Variants in SPPL2B observed in about 807,000 individuals in gnomAD.
The protein encoded by SPPL2B is signal peptide peptidase like 2B, also known as signal peptide peptidase-like 2B.
SPPL2B carries 39 observed loss-of-function variants against 59.7 expected under a neutral mutation model. The observed-to-expected ratio is 0.65, with a 90% CI of 0.51 to 0.85. The LOEUF is 0.85. Among genes scored for constraint, SPPL2B ranks in the 40% least tolerant of loss-of-function variants. SPPL2B has a pLI of 0.00. For missense variants in SPPL2B, 865 were observed against 849.0 expected, an observed-to-expected ratio of 1.02 and a Z score of -0.23; for synonymous variants, 419 against 370.8, an observed-to-expected ratio of 1.13 and a Z score of -1.49.
chr19:2,331,182 C>T (rs11882330), intron 1 of SPPL2B, among the ~76,000 whole-genome samples: 13,709 of 152,288 alleles, frequency 0.09, 701 homozygotes, highest in Middle Eastern at 0.15. Context: ...GGACCCGGCC[C>T]GGCTCCTGGA....
chr19:2,336,685 A>G (rs1968645845), intron 2 of SPPL2B, among the ~76,000 whole-genome samples: 2 of 142,410 alleles, frequency 1.4e-5, no homozygotes, highest in South Asian at 4.5e-4. Flanking sequence ...TGTCTGCTTG[A>G]GTGTGAGTGT....
intron 10 of SPPL2B, 60 bp from the exon 11 acceptor site, chr19:2,344,302 C>G (rs1969238236): frequency 1.3e-6 from 1 of 756,744 alleles, no homozygotes; most frequent in Admixed American, 2.2e-5. Context: ...CCCCATCACC[C>G]CACTCCCCTG....
At position 2,353,514 on chromosome 19, in the gene SPPL2B, A is replaced by C; in HGVS notation, c.*305A>C. The C allele has an allele frequency of 5.1e-6, 2 of 394,858 alleles. No homozygotes were observed. The highest frequency in any genetic ancestry group is 9.2e-6 in the Non-Finnish European group (2 of 218,358). 24.5% of individuals were successfully genotyped at this position (394,858 alleles called of 1,614,324 possible). A position where few individuals can be genotyped will look rare whatever the true frequency, so the allele number is the denominator to read the frequency against. ...CTGCCCGGCCTCTCTGCAGACCCTC[A>C]AGCGTCGTCTGCATGAGTGAGCAGG... On this transcript the variant is annotated 3_prime_UTR_variant, in exon 15 of 15. Coordinates refer to ENST00000613503, the MANE Select transcript of SPPL2B (RefSeq NM_152988.3).
chr19:2,351,983 C>T (rs1183616314), intron 14 of SPPL2B, among the ~76,000 whole-genome samples: 3 of 152,128 alleles, frequency 2.0e-5, no homozygotes, highest in South Asian at 2.1e-4. Flanking sequence ...CCTCTCCTGC[C>T]GAGAGCGAGG....
chr19:2,343,299 G>A lies in SPPL2B; in HGVS notation c.1038+7G>A, dbSNP rs767853027. Reference sequence around the variant, plus strand: ...CCGTCTGCCCACCTTCAAGGTGAGTGCAGGGAGGGCACGGCTGCGGGGCAG... The same window carrying A: ...CCGTCTGCCCACCTTCAAGGTGAGTACAGGGAGGGCACGGCTGCGGGGCAG... On this transcript the variant is annotated splice_region_variant and intron_variant, in intron 9 of 14. Transcript: ENST00000613503. The A allele has an allele frequency of 7.1e-6, 11 of 1,551,018 alleles. No individual in the cohort carries two copies. The highest frequency in any genetic ancestry group is 9.6e-6 in the Non-Finnish European group (11 of 1,146,622).
chr19:2,350,096 T>G (rs1160506303), intron 13 of SPPL2B, among the ~76,000 whole-genome samples: 1 of 147,686 alleles, frequency 6.8e-6, no homozygotes, highest in African/African-American at 2.5e-5. Flanking sequence ...GACTCTGTTC[T>G]CTCTCTCCAC....
chr19:2,344,599 C>T lies in SPPL2B; in HGVS notation c.1223C>T (p.Ala408Val), dbSNP rs962648288. 1 of 1,613,190 alleles carries T rather than the reference C, an allele frequency of 6.2e-7. No homozygotes were observed. ...CCCAGGCTGAACTCCTCACCTCTGG[C>T]CCTGTGTGACCGGCCCTTCTCCCTC... Reference protein sequence around the residue: ...KVPRLNSSPLALCDRPFSLLG... With the variant: ...KVPRLNSSPLVLCDRPFSLLG... Residue 408 changes from alanine (A) to valine (V), a missense_variant, in exon 12 of 15, where the codon GCC becomes GTC. Coordinates refer to ENST00000613503, the MANE Select transcript of SPPL2B (RefSeq NM_152988.3).
In SPPL2B at chr19:2,352,956, C is replaced by T. The variant is rs1970008831; in HGVS notation, c.1526C>T (p.Pro509Leu). Residue 509 changes from proline to leucine, a missense_variant, in exon 15 of 15, where the codon CCT (proline) becomes CTT (leucine). Transcript: ENST00000613503. ...WTGSGFAKVL[P>L]PSPWAPAPAD... ...TCCCTTCTCCTGTAGAAAGTCCTAC[C>T]TCCATCTCCGTGGGCCCCAGCACCA... 3 of 1,612,168 alleles carry T rather than the reference C, an allele frequency of 1.9e-6. No individual in the cohort carries two copies. Among genetic ancestry groups the T allele is most frequent in the Middle Eastern group, 1.7e-4 (1 of 6,060 alleles).
intron 14 of SPPL2B, 99 bp from the exon 15 acceptor site, chr19:2,352,847 C>T (rs947450814): frequency 9.6e-6 from 13 of 1,361,094 alleles, no homozygotes; most frequent in Non-Finnish European, 1.2e-5. Context: ...CATTTTGACC[C>T]TGCCCCCGTG....
chr19:2,351,183 C>T (rs1358334526), intron 13 of SPPL2B, among the ~76,000 whole-genome samples: 3 of 152,230 alleles, frequency 2.0e-5, no homozygotes, highest in Non-Finnish European at 4.4e-5. Flanking sequence ...CCTCTCCTTG[C>T]CCTGGCCCTT....
rs369264577 is a variant in SPPL2B, at chr19:2,344,629, G to A, written c.1253G>A (p.Gly418Asp). The A allele has an allele frequency of 1.2e-6, 2 of 1,612,340 alleles. No homozygotes were observed. The highest frequency in any genetic ancestry group is 1.7e-6 in the Non-Finnish European group (2 of 1,179,164). ...TGTGACCGGCCCTTCTCCCTCCTGG[G>A]TTTCGGAGACATTTTGGTGCCAGGT... ...ALCDRPFSLL[G>D]FGDILVPGLL... is the part of the protein sequence containing the mutation. Residue 418 changes from glycine (G) to aspartate (D), a missense_variant, in exon 12 of 15, where the codon GGT (glycine) becomes GAT (aspartate). By Grantham distance (94) the Gly-to-Asp change is moderately conservative. Coordinates refer to ENST00000613503, the MANE Select transcript of SPPL2B (RefSeq NM_152988.3).
chr19:2,328,685 T>C lies in SPPL2B; in HGVS notation c.-25T>C. 2.1e-6 allele frequency: 3 copies of C among 1,448,400 alleles called. No individual in the cohort carries two copies. The highest frequency in any genetic ancestry group is 2.7e-6 in the Non-Finnish European group (3 of 1,109,434). 89.7% of individuals were successfully genotyped at this position (1,448,400 alleles called of 1,614,324 possible). On this transcript the variant is annotated 5_prime_UTR_variant, in exon 1 of 15. Transcript: ENST00000613503. ...GGGCGTTGCTGGGAAACATCTGCCG[T>C]TGGTTGCGGCGGGCACCGGCCGACA...
intron 2 of SPPL2B, among the ~76,000 whole-genome samples, chr19:2,335,227 T>C (rs961075155): frequency 2.5e-3 from 237 of 95,854 alleles, no homozygotes; most frequent in Admixed American, 3.5e-3. Flanking sequence ...CACTGCATCC[T>C]TCAGGCCCCG....
At chr19:2,346,921 A>G (rs930064628) in intron 13 of SPPL2B, among the ~76,000 whole-genome samples, 7 of 152,196 alleles carry the variant, frequency 4.6e-5, no homozygotes, top group Non-Finnish European at 8.8e-5. Flanking sequence ...TGGGTGTTAG[A>G]AAAAGTGCCG....
intron 2 of SPPL2B, among the ~76,000 whole-genome samples, chr19:2,335,232 GC>G (rs1425129206): frequency 6.7e-6 from 1 of 149,298 alleles, no homozygotes; most frequent in African/African-American, 2.5e-5. Flanking sequence ...CATCCTTCAG[GC>G]CCCGCCTCCT....
At chr19:2,351,255 C>T (rs1335433388) in intron 13 of SPPL2B, among the ~76,000 whole-genome samples, 179 bp from the exon 14 acceptor site, 1 of 152,168 alleles carries the variant, frequency 6.6e-6, no homozygotes, top group Non-Finnish European at 1.5e-5. Flanking sequence ...CAGGAGGTGC[C>T]GGAAGGATCC....
intron 3 of SPPL2B, chr19:2,338,545 A>G: frequency 5.6e-6 from 3 of 536,156 alleles, no homozygotes; most frequent in Non-Finnish European, 1.0e-5. Context: ...TGTCAGGTGA[A>G]GAAGGCTTGA....
chr19:2,349,135 G>A (rs868296033), intron 13 of SPPL2B, among the ~76,000 whole-genome samples: 5 of 75,170 alleles, frequency 6.7e-5, no homozygotes, highest in African/African-American at 2.2e-4. Flanking sequence ...ACACACACTC[G>A]CGTTCTCATT....
rs768249559 is a variant in SPPL2B at position 2,353,630 on chromosome 19, G to A, written c.*421G>A. Reference sequence around the variant, plus strand: ...CCCTCCCCACGGCATCCTGCTCTCCGGGTGGAAGAGCAGCTTTCTGTCTCC... The same window carrying A: ...CCCTCCCCACGGCATCCTGCTCTCCAGGTGGAAGAGCAGCTTTCTGTCTCC... On this transcript the variant is annotated 3_prime_UTR_variant, in exon 15 of 15. Transcript: ENST00000613503. The A allele has an allele frequency of 7.4e-5, 14 of 188,202 alleles. No homozygotes were observed. Among genetic ancestry groups the A allele is most frequent in the Admixed American group, 3.8e-4 (7 of 18,394 alleles). 11.7% of individuals were successfully genotyped at this position (188,202 alleles called of 1,614,324 possible).
Sources: gnomAD v4.1 joint callset for allele counts (sites outside exome capture counted in the v4.1 genomes callset) on GRCh38, gnomAD v4.1.1 for gene constraint, MANE v1.5 for transcripts, NCBI Gene and HGNC (gene_info 2026-07-23, HGNC 2026-07-21) for gene names.